Variants in DNAH10 observed in about 807,000 individuals in gnomAD.
DNAH10 encodes dynein axonemal heavy chain 10, also known as axonemal beta dynein heavy chain 10.
DNAH10 carries 348 observed loss-of-function variants against 506.6 expected under a neutral mutation model. The observed-to-expected ratio is 0.69, with a 90% CI of 0.63 to 0.75. The LOEUF is 0.75. DNAH10 is among the 30% of genes least tolerant of loss of function. The pLI is 0.00. For missense variants in DNAH10, 5,179 were observed against 5,787.1 expected (o/e 0.89, Z 3.41); for synonymous variants, 2,059 against 2,198.6 (o/e 0.94, Z 1.78).
chr12:123,934,112 A>G, intron 77 of DNAH10: 1 of 615,314 alleles, frequency 1.6e-6, no homozygotes, highest in South Asian at 1.9e-5. Flanking sequence ...GGGAGGTGGC[A>G]GGTGTCCGGG....
At position 123,762,651 on chromosome 12, in the gene DNAH10, C is replaced by A; in HGVS notation, c.214+101C>A. ...TGCTAGAGCCTGCCCATCGTCCGGCCCCGGCCTCAGGTGCTGTCCACAAAC... is the reference window on the plus strand; with the variant it reads ...TGCTAGAGCCTGCCCATCGTCCGGCACCGGCCTCAGGTGCTGTCCACAAAC... On this transcript the variant is annotated intron_variant, in intron 1 of 78. Coordinates refer to ENST00000673944, the MANE Select transcript of DNAH10 (RefSeq NM_001372106.1). This position sits in a 1 kb window ranked among gnomAD's most constrained non-coding sequence, Gnocchi z 5.0. 3.1e-6 allele frequency: 4 copies of A among 1,306,126 alleles called. No homozygotes were observed. The South Asian group carries it at 5.8e-5, about 19-fold the overall frequency. The allele number at this position is 1,306,126 out of a possible 1,614,324, so 80.9% of individuals were successfully genotyped here.
At chr12:123,888,024 G>A (rs1309242103) in intron 52 of DNAH10, among the ~76,000 whole-genome samples, 3 of 152,268 alleles carry the variant, frequency 2.0e-5, no homozygotes, top group Admixed American at 6.5e-5. Flanking sequence ...GATTACAGGC[G>A]TGAGCCACCG....
In DNAH10 at chr12:123,929,706, C is replaced by T. The variant is rs369076346; in HGVS notation, c.12559C>T (p.Gln4187Ter). ...GAACACGTACTTAACGAAAGCCTTC[C>T]AGCAACGGGACCCAAGGATCCCGTG... is the stretch of plus-strand genomic sequence containing the variant. ...ILNTYLTKAF[Q>*]QRDPRIPWGS... Residue 4187 changes from glutamine (Q) to a stop codon, truncating the protein, a stop_gained, in exon 72 of 79, where the codon CAG becomes TAG. Coordinates refer to ENST00000673944, the MANE Select transcript of DNAH10 (RefSeq NM_001372106.1). LOFTEE classifies it high-confidence loss of function. 4 of 1,613,498 alleles carry T rather than the reference C, an allele frequency of 2.5e-6. No individual in the cohort carries two copies. Among genetic ancestry groups the T allele is most frequent in the Admixed American group, 3.3e-5 (2 of 59,970 alleles).
intron 52 of DNAH10, among the ~76,000 whole-genome samples, chr12:123,891,750 T>A (rs1029802612): frequency 5.9e-5 from 9 of 152,126 alleles, no homozygotes; most frequent in Non-Finnish European, 1.3e-4. Flanking sequence ...CCCGGCTCCG[T>A]GACTTGCTAG....
rs1276943171 is a variant in DNAH10, at chr12:123,898,665, G to A, written c.9491G>A (p.Arg3164His). ...KTQCNIAQCK[R>H]LDGGLDKLKE... is the part of the protein sequence containing the mutation. ...CCTCTTTCCTCAGCTCAGTGCAAGC[G>A]TCTGGATGGGGGACTGGACAAGCTG... Residue 3164 changes from arginine to histidine, a missense_variant, in exon 56 of 79, where the codon CGT becomes CAT. Physicochemically the swap from Arg to His is conservative, Grantham distance 29. Coordinates refer to ENST00000673944, the MANE Select transcript of DNAH10 (RefSeq NM_001372106.1). 5.7e-6 allele frequency: 9 copies of A among 1,585,284 alleles called. No individual in the cohort carries two copies. Among genetic ancestry groups the A allele is most frequent in the Non-Finnish European group, 6.0e-6 (7 of 1,166,086 alleles).
chr12:123,884,762 T>A (rs1190751704), intron 51 of DNAH10, among the ~76,000 whole-genome samples: 1 of 152,184 alleles, frequency 6.6e-6, no homozygotes, highest in East Asian at 1.9e-4. Context: ...ACTATTGTTA[T>A]GGACTCACTC....
At chr12:123,771,119 A>G (rs1161190256) in intron 2 of DNAH10, among the ~76,000 whole-genome samples, 1 of 151,842 alleles carries the variant, frequency 6.6e-6, no homozygotes. Context: ...ACAGGCATGC[A>G]TCACCATGTC....
chr12:123,794,323 T>A (rs1958196307), intron 12 of DNAH10, among the ~76,000 whole-genome samples: 1 of 152,244 alleles, frequency 6.6e-6, no homozygotes, highest in Non-Finnish European at 1.5e-5. Context: ...TATTATGATT[T>A]ACTCACATTG....
Position 123,903,704 on chromosome 12 carries a change from G to T in DNAH10, c.9815+591G>T, listed in dbSNP as rs1438370976. On this transcript the variant is annotated intron_variant, in intron 57 of 78. Coordinates refer to ENST00000673944, the MANE Select transcript of DNAH10 (RefSeq NM_001372106.1). This position sits in a 1 kb window ranked among gnomAD's most constrained non-coding sequence, Gnocchi z 4.6. ...GCGTGGGCTAACAAGCTTTCTCCTCGCATGGCTTGGCCTCCCCAGGGCACT... is the reference window on the plus strand; with the variant it reads ...GCGTGGGCTAACAAGCTTTCTCCTCTCATGGCTTGGCCTCCCCAGGGCACT... Among the ~76,000 whole-genome samples, 1 of 152,204 alleles carries T rather than the reference G, an allele frequency of 6.6e-6. No homozygotes were observed. The highest frequency in any genetic ancestry group is 1.9e-4 in the East Asian group (1 of 5,194).
At chr12:123,875,025 G>C (rs1007078956) in intron 46 of DNAH10, among the ~76,000 whole-genome samples, 2 of 152,174 alleles carry the variant, frequency 1.3e-5, no homozygotes, top group Non-Finnish European at 2.9e-5. Context: ...TGAAGCTGTA[G>C]TATCGTAAGG....
At chr12:123,923,572 C>A in intron 65 of DNAH10, 191 bp from the exon 66 acceptor site, 1 of 497,882 alleles carries the variant, frequency 2.0e-6, no homozygotes, top group Non-Finnish European at 3.5e-6. Flanking sequence ...CAGACTGGGG[C>A]ATGACCTAGG....
chr12:123,898,865 C>G, intron 56 of DNAH10, 51 bp downstream of exon 56: 4 of 1,528,244 alleles, frequency 2.6e-6, no homozygotes, highest in Non-Finnish European at 3.5e-6. Context: ...CAATACCCAC[C>G]GTAGGTGAGT....
At chr12:123,899,696 T>C (rs1320020174) in intron 56 of DNAH10, among the ~76,000 whole-genome samples, 2 of 152,194 alleles carry the variant, frequency 1.3e-5, no homozygotes, top group Non-Finnish European at 2.9e-5. Context: ...ATATAAAGAC[T>C]GAAGATTATT....
Position 123,909,281 on chromosome 12 carries a change from A to G in DNAH10, c.9836A>G (p.Lys3279Arg). The change falls in exon 58 of 79, where the codon AAG becomes AGG. Residue 3279 changes from lysine (K) to arginine (R), a missense_variant. Physicochemically the swap from Lys to Arg is conservative, Grantham distance 26. Transcript: ENST00000673944. This position sits in a 1 kb window ranked among gnomAD's most constrained non-coding sequence, Gnocchi z 5.4. The stretch of plus-strand genomic sequence containing the variant: ...GCCAGGTCGTTTGCTAAGCCCCCGA[A>G]GCAGGTGCAGACGGTCTGCGAATGC... ...TEIRSFAKPP[K>R]QVQTVCECIL... The G allele has an allele frequency of 6.2e-7, 1 of 1,613,426 alleles. No homozygotes were observed. Among genetic ancestry groups the G allele is most frequent in the South Asian group, 1.1e-5 (1 of 90,870 alleles).
At chr12:123,773,324 A>G (rs1957325950) in intron 4 of DNAH10, among the ~76,000 whole-genome samples, 1 of 152,244 alleles carries the variant, frequency 6.6e-6, no homozygotes, top group Admixed American at 6.5e-5. Flanking sequence ...GGTCAGGTAG[A>G]GCAAATACAT....
rs775450075 is a variant in DNAH10, at chr12:123,925,103, C to T, written c.11820C>T (p.Asn3940=). Residue 3940 remains asparagine (N), a synonymous_variant, in exon 68 of 79, where the codon AAC becomes AAT. Transcript: ENST00000673944. This position sits in a 1 kb window ranked among gnomAD's most constrained non-coding sequence, Gnocchi z 4.0. ...EQFPVPLGYD[N]NITPFQKLLI... ...TTCCCGTCCCCTTGGGTTACGATAA[C>T]AACATCACCCCTTTCCAGAAGTTGC... is the stretch of plus-strand genomic sequence containing the variant. The T allele has an allele frequency of 6.8e-5, 110 of 1,613,898 alleles. No individual in the cohort carries two copies. The highest frequency in any genetic ancestry group is 8.7e-5 in the Non-Finnish European group (103 of 1,179,870).
In DNAH10 at chr12:123,823,015, A is replaced by G. The variant is rs1363674993; in HGVS notation, c.4179+2257A>G. On this transcript the variant is annotated intron_variant, in intron 24 of 78. Transcript: ENST00000673944. ...CACCTTTGCACCGATATGTGAACAAATAACCACGCCCCCAAGATATGTGCT... is the reference window on the plus strand; with the variant it reads ...CACCTTTGCACCGATATGTGAACAAGTAACCACGCCCCCAAGATATGTGCT... Among the ~76,000 whole-genome samples the G allele has an allele frequency of 2.6e-5, 4 of 152,362 alleles. No homozygotes were observed. The South Asian group carries it at 8.3e-4, about 32-fold the overall frequency.
intron 19 of DNAH10, among the ~76,000 whole-genome samples, chr12:123,809,738 A>AC (rs1452626714): frequency 6.6e-6 from 1 of 152,076 alleles, no homozygotes; most frequent in Non-Finnish European, 1.5e-5. Context: ...ACTTAATTAC[A>AC]CTTGGAACAT....
intron 2 of DNAH10, among the ~76,000 whole-genome samples, chr12:123,768,931 G>A (rs911103827): frequency 2.0e-5 from 3 of 151,938 alleles, no homozygotes; most frequent in Admixed American, 6.6e-5. Flanking sequence ...TAGAGATGGG[G>A]TCTCACTATG....
Sources: allele counts gnomAD v4.1 joint callset (sites outside exome capture counted in the v4.1 genomes callset), GRCh38; gene constraint gnomAD v4.1.1; non-coding constraint Gnocchi (gnomAD v3.1); transcripts MANE v1.5; gene names NCBI Gene and HGNC (gene_info 2026-07-23, HGNC 2026-07-21).